The following FAM107A variants were observed in gnomAD, a reference collection of about 807,000 sequenced individuals.
FAM107A encodes actin-associated protein FAM107A.
Under a neutral mutation model 13.7 loss-of-function variants are expected in FAM107A, and 19 were observed. The ratio of observed to expected loss-of-function variants is 1.38; its 90% confidence interval spans 0.97 to 2.03. FAM107A has a LOEUF of 2.03. Among genes scored for constraint, FAM107A ranks in the 30% most tolerant of loss-of-function variants. FAM107A has a pLI of 0.00. For synonymous variants in FAM107A, 82 were observed against 74.5 expected, an observed-to-expected ratio of 1.10 and a Z score of -0.52; for missense variants, 203 against 184.4, an observed-to-expected ratio of 1.10 and a Z score of -0.58.
At chr3:58,580,575 C>A (rs542465092), upstream of FAM107A, among the ~76,000 whole-genome samples, 2 of 151,700 alleles carry the variant, frequency 1.3e-5, no homozygotes, top group Admixed American at 1.3e-4. Context: ...CCACCACACC[C>A]AGCTAATTTT....
intron 1 of FAM107A, among the ~76,000 whole-genome samples, chr3:58,574,966 C>T (rs141810374): frequency 2.5e-4 from 38 of 152,170 alleles, no homozygotes; most frequent in Non-Finnish European, 4.3e-4. Flanking sequence ...TGCCTGCAGC[C>T]ACAGGAGAGA....
upstream of FAM107A, among the ~76,000 whole-genome samples, chr3:58,579,771 G>A (rs1346311927): frequency 6.6e-6 from 1 of 152,150 alleles, no homozygotes; most frequent in East Asian, 1.9e-4. Context: ...AGAGGAACAC[G>A]CACCTGACAG....
At chr3:58,601,051 T>C (rs1164467990) in intron 1 of FAM107A, among the ~76,000 whole-genome samples, 2 of 152,158 alleles carry the variant, frequency 1.3e-5, no homozygotes, top group Non-Finnish European at 2.9e-5. Context: ...AATGAGAGAA[T>C]ACACAGTGCC....
Position 58,613,668 on chromosome 3 carries a change from C to G in FAM107A, c.-70+13748G>C, listed in dbSNP as rs2065875169. 6.6e-6 allele frequency among the ~76,000 whole-genome samples: 1 copy of G among 152,160 alleles called. No individual in the cohort carries two copies. Among genetic ancestry groups the G allele is most frequent in the African/African-American group, 2.4e-5 (1 of 41,434 alleles). On this transcript the variant is annotated intron_variant, in intron 1 of 3. Transcript: ENST00000465970. This position sits in a 1 kb window ranked among gnomAD's most constrained non-coding sequence, Gnocchi z 4.6. ...CTTAGATGGCACCTCCTCCAGGAAGCCTTCCCTGATATTCCCCTCCCTAGG... is the reference window on the plus strand; with the variant it reads ...CTTAGATGGCACCTCCTCCAGGAAGGCTTCCCTGATATTCCCCTCCCTAGG...
chr3:58,570,303 C>T (rs2063668731), intron 1 of FAM107A: 1 of 737,796 alleles, frequency 1.4e-6, no homozygotes, highest in Non-Finnish European at 1.7e-6. Flanking sequence ...TGGATAAATG[C>T]AGTGATAAAA....
rs577064859 is a variant in FAM107A at position 58,619,065 on chromosome 3, A to G, written c.-70+8351T>C. Among the ~76,000 whole-genome samples, 3 of 152,282 alleles carry G rather than the reference A, an allele frequency of 2.0e-5. No individual in the cohort carries two copies. The East Asian group carries it at 5.8e-4, about 29-fold the overall frequency. On this transcript the variant is annotated intron_variant, in intron 1 of 3. Coordinates refer to the FAM107A transcript ENST00000465970. The stretch of plus-strand genomic sequence containing the variant: ...ACCCAGGATGGAGTGCAGTGGTGCT[A>G]CCATGGCTCACTGCAGCCTTGACCT...
At chr3:58,599,987 T>A (rs2065740634) in intron 1 of FAM107A, among the ~76,000 whole-genome samples, 1 of 151,980 alleles carries the variant, frequency 6.6e-6, no homozygotes, top group South Asian at 2.1e-4. Context: ...AGGTGCAGTA[T>A]TAAATATGCG....
upstream of FAM107A, among the ~76,000 whole-genome samples, chr3:58,590,209 C>T (rs915822164): frequency 2.0e-5 from 3 of 152,178 alleles, no homozygotes; most frequent in South Asian, 2.1e-4. Context: ...CTCTTGACAC[C>T]CCAAGCCTCC....
upstream of FAM107A, among the ~76,000 whole-genome samples, chr3:58,591,977 G>C (rs1448398925): frequency 6.6e-6 from 1 of 152,206 alleles, no homozygotes; most frequent in African/African-American, 2.4e-5. This position sits in a 1 kb window ranked among gnomAD's most constrained non-coding sequence, Gnocchi z 4.3. Flanking sequence ...GTCAGGGCCA[G>C]AACCAGGGGA....
chr3:58,577,475 T>C, upstream of FAM107A: 1 of 985,440 alleles, frequency 1.0e-6, no homozygotes, highest in South Asian at 4.7e-5. This position sits in a 1 kb window ranked among gnomAD's most constrained non-coding sequence, Gnocchi z 4.9. Context: ...AGCCTTTGCA[T>C]TCCTGTTTAT....
At chr3:58,567,523 C>A (rs2063635121) in intron 2 of FAM107A, among the ~76,000 whole-genome samples, 159 bp from the exon 3 acceptor site, 1 of 152,204 alleles carries the variant, frequency 6.6e-6, no homozygotes, top group Non-Finnish European at 1.5e-5. Flanking sequence ...TTTACAGGGA[C>A]AGAAACTGAG....
chr3:58,589,176 C>T (rs1437828324), upstream of FAM107A: 5 of 1,446,426 alleles, frequency 3.5e-6, no homozygotes, highest in Non-Finnish European at 3.8e-6. Flanking sequence ...ACTCTGGCCG[C>T]ACCCAGGAAT....
chr3:58,622,390 G>C (rs890500410), intron 1 of FAM107A, among the ~76,000 whole-genome samples: 1 of 152,212 alleles, frequency 6.6e-6, no homozygotes, highest in Non-Finnish European at 1.5e-5. Context: ...GTTGTGAGCT[G>C]AGATTGTGCC....
intron 1 of FAM107A, among the ~76,000 whole-genome samples, chr3:58,601,180 T>C (rs2065750102): frequency 6.6e-6 from 1 of 152,216 alleles, no homozygotes; most frequent in Non-Finnish European, 1.5e-5. Flanking sequence ...TATATAATGA[T>C]AAAGCCATTT....
In FAM107A at chr3:58,614,535, G is replaced by T. The variant is rs540661160; in HGVS notation, c.-70+12881C>A. Among the ~76,000 whole-genome samples, 475 of 120,554 alleles carry T rather than the reference G, an allele frequency of 3.9e-3. 3 individuals carry two copies. Among genetic ancestry groups the T allele is most frequent in the African/African-American group, 0.015 (450 of 29,702 alleles). 79.1% of individuals were successfully genotyped at this position (120,554 alleles called of 152,430 possible). Reference sequence around the variant, plus strand: ...TTTTTTTTTTTTGAGATGCAGTTTTGCTCTTCTCGCTCAGGCTAGAGTGTG... The same window carrying T: ...TTTTTTTTTTTTGAGATGCAGTTTTTCTCTTCTCGCTCAGGCTAGAGTGTG... On this transcript the variant is annotated intron_variant, in intron 1 of 3. Transcript: ENST00000465970.
At position 58,566,126 on chromosome 3, in the gene FAM107A, T is replaced by C. The variant is rs1423996295; in HGVS notation, c.*462A>G. 1.3e-5 allele frequency: 2 copies of C among 154,034 alleles called. No homozygotes were observed. Among genetic ancestry groups the C allele is most frequent in the Non-Finnish European group, 2.9e-5 (2 of 69,348 alleles). 9.5% of individuals were successfully genotyped at this position (154,034 alleles called of 1,614,324 possible). ...TCAGTGGCTTTGAAGGCAGGTGTCC[T>C]TGAAGCTAAGCTCTGCTGGCTGCAG... is the stretch of plus-strand genomic sequence containing the variant. On this transcript the variant is annotated 3_prime_UTR_variant, in exon 4 of 4. Coordinates refer to ENST00000360997, the MANE Select transcript of FAM107A (RefSeq NM_001076778.3).
At chr3:58,611,414 A>G (rs2065852905) in intron 1 of FAM107A, among the ~76,000 whole-genome samples, 1 of 152,234 alleles carries the variant, frequency 6.6e-6, no homozygotes, top group East Asian at 1.9e-4. Context: ...TGGCTTCAGC[A>G]GGATCAGTCC....
intron 3 of FAM107A, 87 bp from the exon 4 acceptor site, chr3:58,566,782 A>C: frequency 9.2e-7 from 1 of 1,081,460 alleles, no homozygotes; most frequent in Non-Finnish European, 1.4e-6. Flanking sequence ...CCAAGGGCCC[A>C]CTCAGTGGGG....
At chr3:58,610,556 A>G (rs1218413774) in intron 1 of FAM107A, among the ~76,000 whole-genome samples, 1 of 152,176 alleles carries the variant, frequency 6.6e-6, no homozygotes, top group Non-Finnish European at 1.5e-5. Flanking sequence ...TCCATGCCTA[A>G]GTTTCTCATG....
Sources: allele counts gnomAD v4.1 joint callset (sites outside exome capture counted in the v4.1 genomes callset), GRCh38; gene constraint gnomAD v4.1.1; non-coding constraint Gnocchi (gnomAD v3.1); transcripts MANE v1.5; gene names NCBI Gene and HGNC (gene_info 2026-07-23, HGNC 2026-07-21).